SLC5A6: variants seen among roughly 807,000 people sequenced by gnomAD.
SLC5A6 encodes the protein solute carrier family 5 member 6, also known as sodium-dependent multivitamin transporter.
Under a neutral mutation model 67.9 loss-of-function variants are expected in SLC5A6, and 31 were observed. The ratio of observed to expected loss-of-function variants is 0.46; its 90% confidence interval spans 0.34 to 0.62. The LOEUF (loss-of-function observed/expected upper bound fraction) is 0.62. Among genes scored for constraint, SLC5A6 ranks in the 20% least tolerant of loss-of-function variants. SLC5A6 has a pLI of 0.01. For missense variants in SLC5A6, 673 were observed against 812.8 expected (o/e 0.83, Z 2.09); for synonymous variants, 343 against 331.0 (o/e 1.04, Z -0.39).
At chr2:27,212,383 C>G, upstream of SLC5A6, 2 of 1,550,598 alleles carry the variant, frequency 1.3e-6, no homozygotes, top group African/African-American at 2.7e-5. Context: ...CGCCTCACGA[C>G]CCGGGTAGTC....
chr2:27,212,407 G>T (rs756742309), upstream of SLC5A6: 24 of 1,552,004 alleles, frequency 1.5e-5, no homozygotes, highest in Non-Finnish European at 1.9e-5. Context: ...CGACCCTGGT[G>T]CCCTGGGCTG....
Position 27,209,687 on chromosome 2 carries a change from CTA to C in SLC5A6, c.-141+1778_-141+1779del, listed in dbSNP as rs1403599341. 2.0e-5 allele frequency among the ~76,000 whole-genome samples: 3 copies of C among 152,212 alleles called. No individual in the cohort carries two copies. In the East Asian group the frequency reaches 5.8e-4, roughly 29 times the overall value. Reference sequence around the variant, plus strand: ...TAATCAAGAGACAGACTAACATAAACTATGTCTTCTGCTTTTGCCCACTAGGA... The same window carrying C: ...TAATCAAGAGACAGACTAACATAAACTGTCTTCTGCTTTTGCCCACTAGGA... On this transcript the variant is annotated intron_variant, in intron 2 of 16. Transcript: ENST00000310574.
chr2:27,210,613 T>G (rs1364803110), intron 2 of SLC5A6, among the ~76,000 whole-genome samples: 2 of 151,380 alleles, frequency 1.3e-5, no homozygotes, highest in Non-Finnish European at 2.9e-5. Flanking sequence ...TTTTTTTTTT[T>G]TTGTATTTTT....
Position 27,200,298 on chromosome 2 carries a change from A to T in SLC5A6, c.*138T>A. 1 of 780,984 alleles carries T rather than the reference A, an allele frequency of 1.3e-6. No homozygotes were observed. Among genetic ancestry groups the T allele is most frequent in the South Asian group, 2.8e-5 (1 of 35,424 alleles). 48.4% of individuals were successfully genotyped at this position (780,984 alleles called of 1,614,324 possible). A position where few individuals can be genotyped will look rare whatever the true frequency, so the allele number is the denominator to read the frequency against. On this transcript the variant is annotated 3_prime_UTR_variant, in exon 17 of 17. Transcript: ENST00000310574. ...CTTCTCCTGCAGGCAAGAACCTCTC[A>T]GAACAAGGTCCTTTGGTATGAGCTA...
At position 27,205,393 on chromosome 2, in the gene SLC5A6, C is replaced by A; in HGVS notation, c.691G>T (p.Val231Leu). 5 of 1,614,192 alleles carry A rather than the reference C, an allele frequency of 3.1e-6. No individual in the cohort carries two copies. The highest frequency in any genetic ancestry group is 4.2e-6 in the Non-Finnish European group (5 of 1,180,030). Reference protein sequence around the residue: ...GSAKVGGLGRVWAVASQHGRI... With the variant: ...GSAKVGGLGRLWAVASQHGRI... ...CCGTGCTGGGAAGCCACGGCCCACA[C>A]ACGCCCCAAGCCGCCCACCTTGGCT... Residue 231 changes from valine (V) to leucine (L), a missense_variant, in exon 7 of 17, where the codon GTG becomes TTG. Transcript: ENST00000310574.
chr2:27,210,725 G>T (rs1284004569), intron 2 of SLC5A6, among the ~76,000 whole-genome samples: 1 of 151,914 alleles, frequency 6.6e-6, no homozygotes, highest in Non-Finnish European at 1.5e-5. Flanking sequence ...ACCGCGCCAG[G>T]CCAAGTTCAG....
At chr2:27,212,690 C>A, upstream of SLC5A6, 1 of 1,331,598 alleles carries the variant, frequency 7.5e-7, no homozygotes, top group Non-Finnish European at 9.7e-7. Context: ...AACTTGATTT[C>A]GCCCCTTAAT....
intron 9 of SLC5A6, 85 bp from the exon 10 acceptor site, chr2:27,203,952 G>T: frequency 2.1e-6 from 2 of 955,562 alleles, no homozygotes; most frequent in Non-Finnish European, 1.6e-6. Flanking sequence ...CTTTACATGT[G>T]CCCCAGCGAG....
Position 27,200,344 on chromosome 2 carries a change from G to A in SLC5A6, c.*92C>T. The A allele has an allele frequency of 7.6e-7, 1 of 1,314,172 alleles. No individual in the cohort carries two copies. Among genetic ancestry groups the A allele is most frequent in the Non-Finnish European group, 1.0e-6 (1 of 959,478 alleles). The allele number at this position is 1,314,172 out of a possible 1,614,324, so 81.4% of individuals were successfully genotyped here. A position where few individuals can be genotyped will look rare whatever the true frequency, so the allele number is the denominator to read the frequency against. On this transcript the variant is annotated 3_prime_UTR_variant, in exon 17 of 17. Coordinates refer to ENST00000310574, the MANE Select transcript of SLC5A6 (RefSeq NM_021095.4). ...AGCTAGATCATCCAGGCCTGTCCCT[G>A]CAGAACACACCAAGACTCATCCCTG...
intron 13 of SLC5A6, 31 bp from the exon 14 acceptor site, chr2:27,201,878 G>A: frequency 6.2e-7 from 1 of 1,612,368 alleles, no homozygotes; most frequent in Non-Finnish European, 8.5e-7. Context: ...CCTGTCACAA[G>A]GCCAGTCCTG....
At chr2:27,206,439 C>T (rs771961270) in intron 5 of SLC5A6, 44 bp downstream of exon 5, 2 of 1,596,800 alleles carry the variant, frequency 1.3e-6, no homozygotes, top group African/African-American at 2.7e-5. Context: ...AGGTGCTTTC[C>T]TAACCTACCA....
intron 2 of SLC5A6, among the ~76,000 whole-genome samples, chr2:27,210,334 C>T (rs964889642): frequency 1.3e-5 from 2 of 152,128 alleles, no homozygotes; most frequent in East Asian, 3.9e-4. Flanking sequence ...GCTATGGTCT[C>T]GCATCTCTCC....
At position 27,201,791 on chromosome 2, in the gene SLC5A6, C is replaced by G; in HGVS notation, c.1419G>C (p.Gly473=). ...GLVMAFWIGI[G]SIVTSMGSSM... is the part of the protein sequence containing the mutation. The stretch of plus-strand genomic sequence containing the variant: ...TGGAGCCCATGCTGGTCACGATGCT[C>G]CCGATGCCAATCCAGAAGGCCATGA... The change falls in exon 14 of 17, where the codon GGG becomes GGC. Residue 473 remains glycine (G), a synonymous_variant. Coordinates refer to ENST00000310574, the MANE Select transcript of SLC5A6 (RefSeq NM_021095.4). 1 of 1,614,154 alleles carries G rather than the reference C, an allele frequency of 6.2e-7. No homozygotes were observed. Among genetic ancestry groups the G allele is most frequent in the South Asian group, 1.1e-5 (1 of 91,078 alleles).
chr2:27,210,428 A>ACC (rs66898483), intron 2 of SLC5A6, among the ~76,000 whole-genome samples: 87 of 137,062 alleles, frequency 6.3e-4, no homozygotes, highest in African/African-American at 1.5e-3. Context: ...AGATTGTGGG[A>ACC]CCCCCCCCCC....
rs57981824 is a variant in SLC5A6 at position 27,201,793 on chromosome 2, C to T, written c.1417G>A (p.Gly473Arg). The T allele has an allele frequency of 4.3e-5, 69 of 1,614,138 alleles. No homozygotes were observed. The highest frequency in any genetic ancestry group is 2.7e-5 in the African/African-American group (2 of 75,018). Residue 473 changes from glycine to arginine, a missense_variant, in exon 14 of 17, where the codon GGG (glycine) becomes AGG (arginine). By Grantham distance (125) the Gly-to-Arg change is moderately radical (BLOSUM62 -2). Coordinates refer to ENST00000310574, the MANE Select transcript of SLC5A6 (RefSeq NM_021095.4). ...GAGCCCATGCTGGTCACGATGCTCC[C>T]GATGCCAATCCAGAAGGCCATGACG... ...GLVMAFWIGI[G>R]SIVTSMGSSM...
In SLC5A6 at chr2:27,203,011, C is replaced by T. The variant is rs966424530; in HGVS notation, c.1208-131G>A. 25 of 1,519,770 alleles carry T rather than the reference C, an allele frequency of 1.6e-5. 1 individual carries two copies. The highest frequency in any genetic ancestry group is 2.2e-5 in the Non-Finnish European group (25 of 1,138,046). 94.1% of individuals were successfully genotyped at this position (1,519,770 alleles called of 1,614,324 possible). ...GAAACAAAAGGCATATTACATCACG[C>T]CCCAGCTTCCTCCCACCAAGTCCTC... On this transcript the variant is annotated intron_variant, in intron 11 of 16. Coordinates refer to ENST00000310574, the MANE Select transcript of SLC5A6 (RefSeq NM_021095.4).
intron 2 of SLC5A6, among the ~76,000 whole-genome samples, chr2:27,210,469 C>T (rs933166157): frequency 7.6e-5 from 11 of 144,800 alleles, no homozygotes; most frequent in South Asian, 2.5e-4. Context: ...CTCGCTCTGT[C>T]GCCCAGGCTG....
chr2:27,212,436 T>C (rs1450006276), upstream of SLC5A6: 12 of 1,560,890 alleles, frequency 7.7e-6, 1 homozygote, highest in South Asian at 1.4e-4. Context: ...CTCCTCGCTC[T>C]GGGCGTGGAA....
At chr2:27,205,733 T>G (rs1674013680) in intron 6 of SLC5A6, among the ~76,000 whole-genome samples, 1 of 152,104 alleles carries the variant, frequency 6.6e-6, no homozygotes, top group African/African-American at 2.4e-5. Flanking sequence ...ATGACTATAT[T>G]CTCTCCCTTG....
Sources: gnomAD v4.1 joint callset for allele counts (sites outside exome capture counted in the v4.1 genomes callset) on GRCh38, gnomAD v4.1.1 for gene constraint, MANE v1.5 for transcripts, NCBI Gene and HGNC (gene_info 2026-07-23, HGNC 2026-07-21) for gene names.